UBE3C: variants seen among roughly 807,000 people sequenced by gnomAD.
UBE3C encodes ubiquitin-protein ligase E3C.
In UBE3C, 42 loss-of-function variants were observed where a neutral mutation model predicts 129.4. That is an observed-to-expected ratio of 0.32 (90% CI 0.25 to 0.42). The LOEUF (loss-of-function observed/expected upper bound fraction) is 0.42. Among genes scored for constraint, UBE3C ranks in the 10% least tolerant of loss-of-function variants. The pLI, the probability that UBE3C is intolerant of heterozygous loss-of-function variation, is 1.00. For missense variants in UBE3C, 1,049 were observed against 1,319.1 expected (o/e 0.80, Z 3.17); for synonymous variants, 510 against 492.4 (o/e 1.04, Z -0.47).
chr7:157,248,699 T>G (rs1009199577), intron 19 of UBE3C, 119 bp downstream of exon 19: 11 of 1,126,404 alleles, frequency 9.8e-6, no homozygotes, highest in Non-Finnish European at 1.3e-5. Context: ...AGAATGACTG[T>G]GGCTGTGAGT....
chr7:157,230,568 G>A (rs1232731655), intron 17 of UBE3C, among the ~76,000 whole-genome samples: 16 of 152,020 alleles, frequency 1.1e-4, no homozygotes, highest in South Asian at 4.2e-4. Flanking sequence ...GGTGGCACAC[G>A]CCTGTAGTCT....
At chr7:157,180,712 C>G (rs984771951) in intron 6 of UBE3C, among the ~76,000 whole-genome samples, 1 of 152,170 alleles carries the variant, frequency 6.6e-6, no homozygotes, top group Non-Finnish European at 1.5e-5. Flanking sequence ...TGTTCACTGC[C>G]TCCCACCCAG....
At chr7:157,195,933 C>G (rs982287142) in intron 10 of UBE3C, among the ~76,000 whole-genome samples, 2 of 152,122 alleles carry the variant, frequency 1.3e-5, no homozygotes, top group Non-Finnish European at 2.9e-5. Context: ...CGTTAATGTC[C>G]TAATCTCCAA....
intron 1 of UBE3C, among the ~76,000 whole-genome samples, chr7:157,147,385 A>G (rs1807635401): frequency 6.6e-6 from 1 of 152,208 alleles, no homozygotes; most frequent in South Asian, 2.1e-4. Context: ...ATGTCCTGAA[A>G]TCTTGCTATA....
chr7:157,261,254 C>G (rs1162629838), intron 22 of UBE3C, among the ~76,000 whole-genome samples: 1 of 124,218 alleles, frequency 8.1e-6, no homozygotes, highest in Non-Finnish European at 1.6e-5. Context: ...TGCAGTGAAC[C>G]AAGATTGCAC....
intron 10 of UBE3C, among the ~76,000 whole-genome samples, chr7:157,187,761 A>G (rs941098764): frequency 1.3e-5 from 2 of 151,700 alleles, no homozygotes; most frequent in African/African-American, 4.8e-5. Flanking sequence ...TATTTTTAGT[A>G]AAGACGGGGT....
Position 157,181,525 on chromosome 7 carries a change from T to A in UBE3C, c.624T>A (p.Tyr208Ter). The part of the protein sequence containing the change: ...ILHYMIHNGY[Y>*]RSLYLLINSK... Reference sequence around the variant, plus strand: ...ATGTGTTTTTCCTTTTAGGGTATTATAGGTCTCTATATTTGTTGATTAACA... The same window carrying A: ...ATGTGTTTTTCCTTTTAGGGTATTAAAGGTCTCTATATTTGTTGATTAACA... The change falls in exon 7 of 23, where the codon TAT (tyrosine) becomes TAA (stop). Residue 208 changes from tyrosine (Y) to a stop codon, truncating the protein, a stop_gained. Coordinates refer to ENST00000348165, the MANE Select transcript of UBE3C (RefSeq NM_014671.3). LOFTEE classifies it high-confidence loss of function. The A allele has an allele frequency of 6.2e-7, 1 of 1,601,560 alleles. No individual in the cohort carries two copies. The highest frequency in any genetic ancestry group is 8.5e-7 in the Non-Finnish European group (1 of 1,176,214).
intron 4 of UBE3C, 150 bp downstream of exon 4, chr7:157,170,600 A>G (rs1808340408): frequency 3.9e-6 from 3 of 760,186 alleles, no homozygotes; most frequent in East Asian, 3.3e-5. Flanking sequence ...GAGGTTACCT[A>G]TGTGGTGATG....
chr7:157,201,862 T>A, intron 11 of UBE3C, 55 bp downstream of exon 11: 1 of 1,460,356 alleles, frequency 6.8e-7, no homozygotes, highest in Non-Finnish European at 9.5e-7. Flanking sequence ...AGTGGCAGCC[T>A]AATCAAAAAT....
At chr7:157,142,854 ATT>A (rs10714296) in intron 1 of UBE3C, among the ~76,000 whole-genome samples, 37 of 142,050 alleles carry the variant, frequency 2.6e-4, no homozygotes, top group African/African-American at 7.3e-4. Flanking sequence ...TAAAAGTTGA[ATT>A]TTTTTTTTTT....
chr7:157,165,052 T>G (rs1808176725), intron 2 of UBE3C, among the ~76,000 whole-genome samples: 1 of 152,180 alleles, frequency 6.6e-6, no homozygotes, highest in Non-Finnish European at 1.5e-5. Flanking sequence ...TAAATGCCAG[T>G]AGCACTCCGT....
intron 21 of UBE3C, among the ~76,000 whole-genome samples, chr7:157,256,283 T>C (rs1167456458): frequency 1.3e-5 from 2 of 152,092 alleles, no homozygotes; most frequent in Non-Finnish European, 2.9e-5. Context: ...GCTGAGATTA[T>C]GGGTGCGCGC....
intron 18 of UBE3C, among the ~76,000 whole-genome samples, chr7:157,238,841 T>C (rs1181759423): frequency 6.6e-6 from 1 of 152,006 alleles, no homozygotes; most frequent in African/African-American, 2.4e-5. Context: ...GTTCAGGAGA[T>C]GAAGCTGGAA....
intron 16 of UBE3C, among the ~76,000 whole-genome samples, chr7:157,224,808 T>TCTCCCA (rs1554433644): frequency 0.013 from 1,954 of 151,600 alleles, 34 homozygotes; most frequent in African/African-American, 0.045. Context: ...TCTCTCTCTC[T>TCTCCCA]CTCTCCCACT....
intron 18 of UBE3C, among the ~76,000 whole-genome samples, chr7:157,242,994 A>G (rs1212649745): frequency 3.9e-5 from 6 of 152,030 alleles, no homozygotes; most frequent in Non-Finnish European, 1.5e-5. Context: ...GGCAGAGATT[A>G]TGGTGAGCCA....
At chr7:157,139,419 G>T in intron 1 of UBE3C, 81 bp downstream of exon 1, 1 of 1,352,014 alleles carries the variant, frequency 7.4e-7, no homozygotes, top group South Asian at 1.5e-5. Context: ...GGCTGGACTC[G>T]GGGCTGGACT....
chr7:157,197,274 A>G (rs999245162), intron 10 of UBE3C, among the ~76,000 whole-genome samples: 1 of 152,220 alleles, frequency 6.6e-6, no homozygotes, highest in Non-Finnish European at 1.5e-5. Context: ...TACCAAATGC[A>G]TTTATCAAAA....
chr7:157,258,987 G>A (rs193231585), intron 22 of UBE3C, among the ~76,000 whole-genome samples: 1 of 152,266 alleles, frequency 6.6e-6, no homozygotes, highest in African/African-American at 2.4e-5. Context: ...AAATATCTCA[G>A]CACATACTTC....
Position 157,189,478 on chromosome 7 carries a change from T to C in UBE3C, c.1331+2457T>C, listed in dbSNP as rs1808895000. 3.9e-5 allele frequency among the ~76,000 whole-genome samples: 6 copies of C among 152,214 alleles called. No individual in the cohort carries two copies. In the South Asian group the frequency reaches 1.2e-3, roughly 31 times the overall value. On this transcript the variant is annotated intron_variant, in intron 10 of 22. Coordinates refer to ENST00000348165, the MANE Select transcript of UBE3C (RefSeq NM_014671.3). ...AAATAAGAAAGTAGGCTACCAAAGA[T>C]AGCCTGTTAGAAAAGTGCTTGGCTT...
Sources: gnomAD v4.1 joint callset for allele counts (sites outside exome capture counted in the v4.1 genomes callset) on GRCh38, gnomAD v4.1.1 for gene constraint, MANE v1.5 for transcripts, NCBI Gene and HGNC (gene_info 2026-07-23, HGNC 2026-07-21) for gene names.